FMN2: variants seen among roughly 807,000 people sequenced by gnomAD.
The protein encoded by FMN2 is formin 2.
Under a neutral mutation model 142.3 loss-of-function variants are expected in FMN2, and 51 were observed. That is an observed-to-expected ratio of 0.36 (90% CI 0.29 to 0.45). The LOEUF (loss-of-function observed/expected upper bound fraction) is 0.45. Among genes scored for constraint, FMN2 ranks in the 20% least tolerant of loss-of-function variants. The pLI is 1.00. For synonymous variants in FMN2, 882 were observed against 869.8 expected (o/e 1.01, Z -0.25); for missense variants, 1,936 against 2,122.8 (o/e 0.91, Z 1.73).
chr1:240,131,521 C>T (rs1372109432), intron 2 of FMN2, among the ~76,000 whole-genome samples: 1 of 151,942 alleles, frequency 6.6e-6, no homozygotes, highest in Non-Finnish European at 1.5e-5. Context: ...CTAGCCTGAC[C>T]AACATGGTGA....
chr1:240,184,561 T>A (rs1665313792), intron 3 of FMN2, among the ~76,000 whole-genome samples: 1 of 150,954 alleles, frequency 6.6e-6, no homozygotes, highest in African/African-American at 2.4e-5. Flanking sequence ...GGTTTCTTAA[T>A]TTTAAGGATG....
chr1:240,281,665 A>G (rs1347067557), intron 7 of FMN2, among the ~76,000 whole-genome samples: 4 of 152,200 alleles, frequency 2.6e-5, no homozygotes, highest in African/African-American at 9.6e-5. Context: ...TACAGTTTTT[A>G]ATAAATGGTC....
intron 16 of FMN2, among the ~76,000 whole-genome samples, chr1:240,444,751 AATTTGTATTCAAGTG>A (rs1489477409): frequency 3.9e-5 from 6 of 152,164 alleles, no homozygotes; most frequent in Non-Finnish European, 5.9e-5. Flanking sequence ...CTTTTTCCGT[AATTTGTATTCAAGTG>A]ATTTGTATTC....
intron 14 of FMN2, among the ~76,000 whole-genome samples, chr1:240,358,815 A>G (rs1046274695): frequency 6.6e-6 from 1 of 152,188 alleles, no homozygotes; most frequent in African/African-American, 2.4e-5. Context: ...GTGGGGACAC[A>G]AAGCCTAGCC....
chr1:240,143,255 T>A lies in FMN2; in HGVS notation c.1782+19910T>A, dbSNP rs184817765. On this transcript the variant is annotated intron_variant, in intron 2 of 17. Transcript: ENST00000319653. The stretch of plus-strand genomic sequence containing the variant: ...AAACTTCTGGATCAGCATCATGAGA[T>A]AATTTGCTTAGGGTATCCAGGATGT... 9 of 1,578,998 alleles carry A rather than the reference T, an allele frequency of 5.7e-6. No individual in the cohort carries two copies. The Admixed American group carries it at 1.3e-4, about 23-fold the overall frequency.
At chr1:240,432,984 G>T (rs1036884423) in intron 15 of FMN2, among the ~76,000 whole-genome samples, 3 of 152,040 alleles carry the variant, frequency 2.0e-5, no homozygotes, top group African/African-American at 7.2e-5. Context: ...GTCAGTTTTT[G>T]ATAATAATAT....
chr1:240,266,020 CT>C (rs10680119), intron 7 of FMN2, among the ~76,000 whole-genome samples: 22 of 136,408 alleles, frequency 1.6e-4, no homozygotes, highest in Middle Eastern at 3.9e-3. Flanking sequence ...CTGTTACTTC[CT>C]TTTTTTTTTT....
In FMN2 at chr1:240,436,016, G is replaced by T. The variant is rs73128300; in HGVS notation, c.4911-2045G>T. The stretch of plus-strand genomic sequence containing the variant: ...ATATAAGGAAAATGACCAGTTTTCC[G>T]AGAAGGCATGTATGTGTTTATGTTA... On this transcript the variant is annotated intron_variant, in intron 15 of 17. Transcript: ENST00000319653. 5.3e-5 allele frequency among the ~76,000 whole-genome samples: 8 copies of T among 152,146 alleles called. No homozygotes were observed. The South Asian group carries it at 1.2e-3, about 24-fold the overall frequency.
chr1:240,361,137 ATGTGTATATATATATATATATATAT>A (rs1672455735), intron 14 of FMN2, among the ~76,000 whole-genome samples: 22 of 121,196 alleles, frequency 1.8e-4, no homozygotes, highest in South Asian at 1.3e-3. Flanking sequence ...AAATAAATAT[ATGTGTATATATATATATATATATAT>A]ATATATATAT....
At chr1:240,120,805 T>C (rs1662206023) in intron 1 of FMN2, among the ~76,000 whole-genome samples, 1 of 152,200 alleles carries the variant, frequency 6.6e-6, no homozygotes, top group South Asian at 2.1e-4. Context: ...CCCTAGAGAT[T>C]TTCCATTTCC....
intron 6 of FMN2, among the ~76,000 whole-genome samples, chr1:240,239,080 T>C (rs937717251): frequency 1.3e-5 from 2 of 152,216 alleles, no homozygotes; most frequent in African/African-American, 4.8e-5. Flanking sequence ...TTAAATGAAC[T>C]CTATACTTGA....
chr1:240,276,011 C>T (rs917406049), intron 7 of FMN2, among the ~76,000 whole-genome samples: 1 of 152,066 alleles, frequency 6.6e-6, no homozygotes, highest in Non-Finnish European at 1.5e-5. Flanking sequence ...AAGAATCCAG[C>T]GTATAAGAGG....
At chr1:240,361,979 C>A (rs368257576) in intron 14 of FMN2, among the ~76,000 whole-genome samples, 1 of 152,110 alleles carries the variant, frequency 6.6e-6, no homozygotes, top group Non-Finnish European at 1.5e-5. Flanking sequence ...AGGGCAAATG[C>A]GAATACTCAT....
intron 16 of FMN2, among the ~76,000 whole-genome samples, chr1:240,443,841 G>A (rs549712375): frequency 6.6e-6 from 1 of 152,182 alleles, no homozygotes; most frequent in East Asian, 1.9e-4. Flanking sequence ...ATCTCCCTAA[G>A]GTCTCACAGA....
At chr1:240,146,393 C>CAAAA (rs71170704) in intron 2 of FMN2, among the ~76,000 whole-genome samples, 2 of 99,422 alleles carry the variant, frequency 2.0e-5, no homozygotes, top group Admixed American at 1.1e-4. Flanking sequence ...GACTCTGTCT[C>CAAAA]AAAAAAAAAA....
At chr1:240,112,536 A>G (rs932918517) in intron 1 of FMN2, among the ~76,000 whole-genome samples, 4 of 152,100 alleles carry the variant, frequency 2.6e-5, no homozygotes, top group African/African-American at 7.2e-5. Context: ...GAGGAAAGGG[A>G]GCAGAAAGAG....
At chr1:240,256,511 G>T (rs1395992681) in intron 6 of FMN2, among the ~76,000 whole-genome samples, 4 of 151,540 alleles carry the variant, frequency 2.6e-5, no homozygotes, top group Non-Finnish European at 5.9e-5. Context: ...GGCCGAGGTG[G>T]GTGGATCACC....
intron 1 of FMN2, among the ~76,000 whole-genome samples, chr1:240,102,907 C>G (rs1051176899): frequency 2.6e-5 from 4 of 151,450 alleles, no homozygotes; most frequent in Non-Finnish European, 5.9e-5. Flanking sequence ...CTCTGTCACC[C>G]AGGCTGGAAT....
chr1:240,408,438 G>A (rs909494629), intron 15 of FMN2, among the ~76,000 whole-genome samples: 2 of 152,128 alleles, frequency 1.3e-5, no homozygotes, highest in Non-Finnish European at 2.9e-5. Context: ...GAGGAAATTA[G>A]AAAGAGGACA....
Sources: allele counts gnomAD v4.1 joint callset (sites outside exome capture counted in the v4.1 genomes callset), GRCh38; gene constraint gnomAD v4.1.1; transcripts MANE v1.5; gene names NCBI Gene and HGNC (gene_info 2026-07-23, HGNC 2026-07-21).